GPHN: variants seen among roughly 807,000 people sequenced by gnomAD.
The protein encoded by GPHN is gephyrin.
Under a neutral mutation model 95.5 loss-of-function variants are expected in GPHN, and 17 were observed. The observed-to-expected ratio is 0.18, with a 90% CI of 0.12 to 0.27. GPHN has a LOEUF of 0.27. GPHN is among the 10% of genes least tolerant of loss of function. The probability of loss-of-function intolerance (pLI) is 1.00; values close to 1 mark genes in which losing one functional copy is unlikely to be tolerated. For synonymous variants in GPHN, 320 were observed against 322.5 expected (o/e 0.99, Z 0.08); for missense variants, 660 against 978.1 (o/e 0.67, Z 4.34).
At chr14:67,294,210 A>G in the GPHN span, among the ~76,000 whole-genome samples, 10 of 152,202 alleles carry the variant, frequency 6.6e-5, no homozygotes, top group Admixed American at 2.0e-4. Flanking sequence ...TCACGTCCTT[A>G]GAGTAACTAT....
At chr14:66,912,088 C>T (rs1596348786) in intron 5 of GPHN, among the ~76,000 whole-genome samples, 1 of 152,080 alleles carries the variant, frequency 6.6e-6, no homozygotes, top group South Asian at 2.1e-4. Context: ...CAAAATCTCA[C>T]TCTCCACTGT....
the GPHN span, among the ~76,000 whole-genome samples, chr14:67,521,518 T>TG: frequency 6.6e-6 from 1 of 152,186 alleles, no homozygotes; most frequent in South Asian, 2.1e-4. Context: ...TAAAGTGTCT[T>TG]GCTACTTTGG....
At chr14:66,721,157 T>C (rs1190102990) in intron 2 of GPHN, among the ~76,000 whole-genome samples, 1 of 152,232 alleles carries the variant, frequency 6.6e-6, no homozygotes, top group Non-Finnish European at 1.5e-5. Flanking sequence ...ATCAGAAACC[T>C]TTATTCTGTA....
the GPHN span, chr14:67,573,142 C>T: frequency 1.6e-6 from 1 of 620,866 alleles, no homozygotes; most frequent in Non-Finnish European, 2.9e-6. The surrounding 1 kb of genome is among the most constrained non-coding windows in gnomAD (Gnocchi z 4.8). Flanking sequence ...TGAAAATACA[C>T]TGAGTAGGTA....
chr14:67,419,706 G>T, the GPHN span, among the ~76,000 whole-genome samples: 1 of 152,132 alleles, frequency 6.6e-6, no homozygotes, highest in Non-Finnish European at 1.5e-5. Flanking sequence ...AAAATTAGCC[G>T]GGCGTGGTGG....
At chr14:67,690,078 TA>T in the GPHN span, 1 of 714,664 alleles carries the variant, frequency 1.4e-6, no homozygotes, top group Non-Finnish European at 2.4e-6. Flanking sequence ...GACTACTTAC[TA>T]AAACTGTACC....
chr14:67,312,818 C>A, the GPHN span: 1 of 912,790 alleles, frequency 1.1e-6, no homozygotes, highest in Non-Finnish European at 1.5e-6. Flanking sequence ...TAAAGTATTC[C>A]AGTTACTTTT....
chr14:67,323,789 G>T, the GPHN span: 4 of 1,581,310 alleles, frequency 2.5e-6, 1 homozygote, highest in Admixed American at 1.8e-5. Context: ...GGCATTATTG[G>T]CCAAAGAAGG....
the GPHN span, among the ~76,000 whole-genome samples, chr14:67,268,935 G>A: frequency 2.8e-3 from 428 of 152,260 alleles, 18 homozygotes; most frequent in East Asian, 0.059. Context: ...CAAATTCAGT[G>A]GATTTTAGTA....
At chr14:66,541,739 T>C (rs57661010) in intron 1 of GPHN, among the ~76,000 whole-genome samples, 49,876 of 152,046 alleles carry the variant, frequency 0.33, 12,020 homozygotes, top group African/African-American at 0.66. Flanking sequence ...GTAAAATAGT[T>C]TAACTTTTAG....
chr14:66,581,875 G>A (rs529759987), intron 1 of GPHN, among the ~76,000 whole-genome samples: 5 of 152,102 alleles, frequency 3.3e-5, no homozygotes, highest in Admixed American at 2.6e-4. Flanking sequence ...CCCAACATCA[G>A]AGTACCTAAA....
At chr14:66,885,798 C>A (rs1441430168) in intron 5 of GPHN, among the ~76,000 whole-genome samples, 5 of 150,938 alleles carry the variant, frequency 3.3e-5, no homozygotes, top group Admixed American at 2.6e-4. Flanking sequence ...TAAGTTTATA[C>A]CTCAGGCTTA....
chr14:67,614,625 G>A, the GPHN span, among the ~76,000 whole-genome samples: 1 of 152,026 alleles, frequency 6.6e-6, no homozygotes, highest in South Asian at 2.1e-4. Flanking sequence ...TGCTGGGTAT[G>A]GTGGCACGCA....
the GPHN span, among the ~76,000 whole-genome samples, chr14:67,371,625 A>C: frequency 6.6e-6 from 1 of 152,224 alleles, no homozygotes; most frequent in Admixed American, 6.5e-5. Flanking sequence ...GCATGTTACT[A>C]TACTGATTAG....
At chr14:66,650,092 C>CA (rs112227406) in intron 1 of GPHN, among the ~76,000 whole-genome samples, 6,689 of 119,524 alleles carry the variant, frequency 0.056, 201 homozygotes, top group African/African-American at 0.096. Context: ...GACTGCCAAC[C>CA]AAAAAAAAAA....
At chr14:66,865,545 T>C (rs946219796) in intron 4 of GPHN, among the ~76,000 whole-genome samples, 2 of 152,186 alleles carry the variant, frequency 1.3e-5, no homozygotes, top group Non-Finnish European at 2.9e-5. Context: ...TTCATAGAGA[T>C]ATGAAGCATT....
the GPHN span, among the ~76,000 whole-genome samples, chr14:67,599,443 A>C: frequency 6.6e-6 from 1 of 152,214 alleles, no homozygotes; most frequent in South Asian, 2.1e-4. Flanking sequence ...CCAAAATTTC[A>C]TAAACCTTTA....
At position 66,754,521 on chromosome 14, in the gene GPHN, A is replaced by T. The variant is rs554372784; in HGVS notation, c.144-21943A>T. ...TGTAAGTTATGCAGCAGGTGAAGAA[A>T]TGTGTAAGATAGGCCTTTTAAAACA... On this transcript the variant is annotated intron_variant, in intron 2 of 22. Coordinates refer to ENST00000478722, the MANE Select transcript of GPHN (RefSeq NM_020806.5). Among the ~76,000 whole-genome samples, 10 of 152,130 alleles carry T rather than the reference A, an allele frequency of 6.6e-5. No individual in the cohort carries two copies. In the South Asian group the frequency reaches 1.9e-3, roughly 28 times the overall value.
chr14:67,339,781 A>G, the GPHN span, among the ~76,000 whole-genome samples: 2 of 152,118 alleles, frequency 1.3e-5, no homozygotes, highest in Non-Finnish European at 2.9e-5. Flanking sequence ...GAGGCACCCA[A>G]TCTAAATCAT....
Sources: gnomAD v4.1 joint callset for allele counts (sites outside exome capture counted in the v4.1 genomes callset) on GRCh38, gnomAD v4.1.1 for gene constraint, Gnocchi (gnomAD v3.1) non-coding constraint, MANE v1.5 for transcripts, NCBI Gene and HGNC (gene_info 2026-07-23, HGNC 2026-07-21) for gene names.